The following MYH10 variants were observed in gnomAD, a reference collection of about 807,000 sequenced individuals.
MYH10 encodes myosin-10.
In MYH10, 55 loss-of-function variants were observed where a neutral mutation model predicts 257.8. The observed-to-expected ratio is 0.21, with a 90% CI of 0.17 to 0.27. The LOEUF (loss-of-function observed/expected upper bound fraction) is 0.27. MYH10 is among the 10% of genes least tolerant of loss of function. MYH10 has a pLI of 1.00. For synonymous variants in MYH10, 854 were observed against 921.7 expected, an observed-to-expected ratio of 0.93 and a Z score of 1.33; for missense variants, 1,631 against 2,500.6, an observed-to-expected ratio of 0.65 and a Z score of 7.42.
intron 1 of MYH10, among the ~76,000 whole-genome samples, chr17:8,630,401 GA>G (rs995591473): frequency 2.6e-5 from 4 of 151,870 alleles, no homozygotes; most frequent in African/African-American, 9.7e-5. Context: ...GCTCCTCCGG[GA>G]GTCTCTCCAT....
At chr17:8,628,912 G>C (rs1209676125) in intron 1 of MYH10, among the ~76,000 whole-genome samples, 1 of 152,124 alleles carries the variant, frequency 6.6e-6, no homozygotes, top group Non-Finnish European at 1.5e-5. Flanking sequence ...AGCCAGGCTC[G>C]CAGGGGTCAC....
intron 24 of MYH10, among the ~76,000 whole-genome samples, chr17:8,511,729 CATA>C (rs745664015): frequency 1.3e-5 from 2 of 152,326 alleles, no homozygotes; most frequent in Admixed American, 6.5e-5. Flanking sequence ...CACAGACCAG[CATA>C]ATAAGCCCCA....
At chr17:8,587,579 A>G (rs2152042356) in intron 4 of MYH10, among the ~76,000 whole-genome samples, 1 of 152,232 alleles carries the variant, frequency 6.6e-6, no homozygotes, top group African/African-American at 2.4e-5. Context: ...TCACTGGAGA[A>G]GAGTCGCGCC....
At chr17:8,583,110 C>T (rs750721249) in intron 4 of MYH10, among the ~76,000 whole-genome samples, 11 of 152,176 alleles carry the variant, frequency 7.2e-5, no homozygotes, top group Admixed American at 5.9e-4. Flanking sequence ...TCTCCCCTAT[C>T]GCACTGGCAC....
chr17:8,495,131 G>A lies in MYH10; in HGVS notation c.4056+6C>T. 6.5e-7 allele frequency: 1 copy of A among 1,547,052 alleles called. No individual in the cohort carries two copies. The highest frequency in any genetic ancestry group is 8.9e-7 in the Non-Finnish European group (1 of 1,119,120). On this transcript the variant is annotated splice_donor_region_variant and intron_variant, in intron 31 of 42. Transcript: ENST00000360416. The stretch of plus-strand genomic sequence containing the variant: ...TTATAAAGACCCCTTGCTCCCCAGG[G>A]AATACCTGTGTATCCTGTAGTTGAG...
intron 38 of MYH10, among the ~76,000 whole-genome samples, chr17:8,480,947 C>T (rs547599544): frequency 0.1 from 165 of 1,604 alleles, no homozygotes; most frequent in Non-Finnish European, 0.23. Flanking sequence ...GCATGATGGA[C>T]GTTCAGTTCA....
chr17:8,551,759 G>A (rs8072307), intron 9 of MYH10, among the ~76,000 whole-genome samples: 61,615 of 151,808 alleles, frequency 0.41, 12,480 homozygotes, highest in East Asian at 0.5. Context: ...ATTTTAAAAC[G>A]TTGAAACAGA....
In MYH10 at chr17:8,480,695, C is replaced by A. The variant is rs117901375; in HGVS notation, c.5265-170G>T. 6,186 of 818,292 alleles carry A rather than the reference C, an allele frequency of 7.6e-3. 40 individuals carry two copies. The highest frequency in any genetic ancestry group is 9.4e-3 in the Non-Finnish European group (4,798 of 508,610). The allele number at this position is 818,292 out of a possible 1,614,324, so 50.7% of individuals were successfully genotyped here. A position where few individuals can be genotyped will look rare whatever the true frequency, so the allele number is the denominator to read the frequency against. The stretch of plus-strand genomic sequence containing the variant: ...CCATCAGTAGGTCCCACTGATGACA[C>A]TTCCAAACACCCTCCCCCGCTGCCA... On this transcript the variant is annotated intron_variant, in intron 38 of 42. Transcript: ENST00000360416.
At chr17:8,516,170 A>T (rs2081462315) in intron 21 of MYH10, among the ~76,000 whole-genome samples, 1 of 152,134 alleles carries the variant, frequency 6.6e-6, no homozygotes, top group Non-Finnish European at 1.5e-5. Flanking sequence ...TTCATGAGGG[A>T]GCTGTGACAT....
In MYH10 at chr17:8,535,734, G is replaced by A; in HGVS notation, c.1779+24C>T. The A allele has an allele frequency of 1.9e-6, 3 of 1,599,600 alleles. No homozygotes were observed. The highest frequency in any genetic ancestry group is 2.6e-6 in the Non-Finnish European group (3 of 1,171,650). On this transcript the variant is annotated intron_variant, in intron 15 of 42. Coordinates refer to ENST00000360416, the MANE Select transcript of MYH10 (RefSeq NM_001256012.3). The surrounding 1 kb of genome is among the most constrained non-coding windows in gnomAD (Gnocchi z 4.3). Reference sequence around the variant, plus strand: ...TTTCAAACACAGCCATTTTAATCCAGTTATTCAACATAAGAGCTCTTACCT... The same window carrying A: ...TTTCAAACACAGCCATTTTAATCCAATTATTCAACATAAGAGCTCTTACCT...
At chr17:8,489,708 A>AAC (rs59065540) in intron 35 of MYH10, among the ~76,000 whole-genome samples, 51 of 93,144 alleles carry the variant, frequency 5.5e-4, no homozygotes, top group African/African-American at 1.8e-3. Flanking sequence ...CGTCTGAAAA[A>AAC]ACACACACAC....
chr17:8,594,668 C>T (rs571232735), intron 3 of MYH10, among the ~76,000 whole-genome samples: 16 of 152,230 alleles, frequency 1.1e-4, no homozygotes, highest in East Asian at 3.9e-4. Flanking sequence ...ATTGGTTCCA[C>T]GACAACCCCA....
rs576553646 is a variant in MYH10, at chr17:8,569,908, T to C, written c.664-96A>G. The C allele has an allele frequency of 1.0e-5, 9 of 871,526 alleles. No homozygotes were observed. In the African/African-American group the frequency reaches 1.4e-4, roughly 13 times the overall value. 54.0% of individuals were successfully genotyped at this position (871,526 alleles called of 1,614,324 possible). A position where few individuals can be genotyped will look rare whatever the true frequency, so the allele number is the denominator to read the frequency against. ...GGGGAAAAATTTCTAAAAAAGAAACTGCATCTTTTCCTCAGTTCTTTCATT... is the reference window on the plus strand; with the variant it reads ...GGGGAAAAATTTCTAAAAAAGAAACCGCATCTTTTCCTCAGTTCTTTCATT... On this transcript the variant is annotated intron_variant, in intron 6 of 42. Transcript: ENST00000360416. This position sits in a 1 kb window ranked among gnomAD's most constrained non-coding sequence, Gnocchi z 4.1.
Position 8,548,558 on chromosome 17 carries a change from C to T in MYH10, c.1063+86G>A, listed in dbSNP as rs2082516944. The T allele has an allele frequency of 2.0e-6, 3 of 1,504,322 alleles. No homozygotes were observed. In the South Asian group the frequency reaches 3.8e-5, roughly 19 times the overall value. The allele number at this position is 1,504,322 out of a possible 1,614,324, so 93.2% of individuals were successfully genotyped here. A position where few individuals can be genotyped will look rare whatever the true frequency, so the allele number is the denominator to read the frequency against. ...GATTTCATACAATTCATTAGTTTCCCAGTCATTTTCTAGTTTAGGTGATTT... is the reference window on the plus strand; with the variant it reads ...GATTTCATACAATTCATTAGTTTCCTAGTCATTTTCTAGTTTAGGTGATTT... On this transcript the variant is annotated intron_variant, in intron 10 of 42. Transcript: ENST00000360416.
intron 40 of MYH10, among the ~76,000 whole-genome samples, chr17:8,478,912 A>C (rs1297493719): frequency 6.6e-6 from 1 of 152,180 alleles, no homozygotes; most frequent in Non-Finnish European, 1.5e-5. Flanking sequence ...GTGTATTTTT[A>C]GCAGAGACGG....
Position 8,569,900 on chromosome 17 carries a change from A to C in MYH10, c.664-88T>G. ...AGTCATCAGGGGAAAAATTTCTAAA[A>C]AAGAAACTGCATCTTTTCCTCAGTT... On this transcript the variant is annotated intron_variant, in intron 6 of 42. Coordinates refer to ENST00000360416, the MANE Select transcript of MYH10 (RefSeq NM_001256012.3). This position sits in a 1 kb window ranked among gnomAD's most constrained non-coding sequence, Gnocchi z 4.1. The C allele has an allele frequency of 1.1e-6, 1 of 942,196 alleles. No individual in the cohort carries two copies. Among genetic ancestry groups the C allele is most frequent in the Non-Finnish European group, 1.6e-6 (1 of 639,390 alleles). 58.4% of individuals were successfully genotyped at this position (942,196 alleles called of 1,614,324 possible).
At chr17:8,492,207 T>G in intron 34 of MYH10, 90 bp downstream of exon 34, 1 of 1,282,298 alleles carries the variant, frequency 7.8e-7, no homozygotes, top group South Asian at 1.4e-5. Context: ...TCCTTCAGGC[T>G]CCCCTGAGGA....
chr17:8,523,033 A>C (rs562127822), intron 17 of MYH10, among the ~76,000 whole-genome samples: 169 of 152,026 alleles, frequency 1.1e-3, no homozygotes, highest in African/African-American at 4.1e-3. Context: ...CTCGCCTGGG[A>C]TCCCAAATCA....
At chr17:8,576,769 G>T in intron 5 of MYH10, 97 bp from the exon 6 acceptor site, 1 of 1,186,634 alleles carries the variant, frequency 8.4e-7, no homozygotes, top group Non-Finnish European at 1.2e-6. Context: ...GTGCAGTTGA[G>T]AACTGTGGAA....
Sources: gnomAD v4.1 joint callset for allele counts (sites outside exome capture counted in the v4.1 genomes callset) on GRCh38, gnomAD v4.1.1 for gene constraint, Gnocchi (gnomAD v3.1) non-coding constraint, MANE v1.5 for transcripts, NCBI Gene and HGNC (gene_info 2026-07-23, HGNC 2026-07-21) for gene names.